ZNF251: variants seen among roughly 807,000 people sequenced by gnomAD.
ZNF251 encodes the protein zinc finger protein 251.
ZNF251 carries 14 observed loss-of-function variants against 13.5 expected under a neutral mutation model. The ratio of observed to expected loss-of-function variants is 1.04; its 90% CI spans 0.69 to 1.63. The LOEUF (loss-of-function observed/expected upper bound fraction) is 1.63. Among genes scored for constraint, ZNF251 ranks in the 40% most tolerant of loss-of-function variants. ZNF251 has a pLI of 0.00. For synonymous variants in ZNF251, 287 were observed against 295.2 expected (o/e 0.97, Z 0.28); for missense variants, 764 against 834.9 (o/e 0.92, Z 1.05).
Position 144,721,253 on chromosome 8 carries a change from G to A in ZNF251, c.*391C>T, listed in dbSNP as rs1823364891. 1 of 268,006 alleles carries A rather than the reference G, an allele frequency of 3.7e-6. No individual in the cohort carries two copies. The highest frequency in any genetic ancestry group is 6.9e-6 in the Non-Finnish European group (1 of 144,072). The allele number at this position is 268,006 out of a possible 1,614,324, so 16.6% of individuals were successfully genotyped here. A position where few individuals can be genotyped will look rare whatever the true frequency, so the allele number is the denominator to read the frequency against. The stretch of plus-strand genomic sequence containing the variant: ...TTCTCTGTACCACACTTGGAGGCAG[G>A]TATATGGGACTGAAAGTGGATGTTC... On this transcript the variant is annotated 3_prime_UTR_variant, in exon 5 of 5. Coordinates refer to ENST00000292562, the MANE Select transcript of ZNF251 (RefSeq NM_138367.2).
Position 144,721,607 on chromosome 8 carries a change from G to C in ZNF251, c.*37C>G. On this transcript the variant is annotated 3_prime_UTR_variant, in exon 5 of 5. Transcript: ENST00000292562. Reference sequence around the variant, plus strand: ...ATGCCATCTTATCTTCTAATGTCAAGTGAACAGTTGCTAAACTGTCTTCTG... The same window carrying C: ...ATGCCATCTTATCTTCTAATGTCAACTGAACAGTTGCTAAACTGTCTTCTG... 7.6e-7 allele frequency: 1 copy of C among 1,315,022 alleles called. No individual in the cohort carries two copies. The highest frequency in any genetic ancestry group is 9.8e-7 in the Non-Finnish European group (1 of 1,022,166). The allele number at this position is 1,315,022 out of a possible 1,614,324, so 81.5% of individuals were successfully genotyped here. A position where few individuals can be genotyped will look rare whatever the true frequency, so the allele number is the denominator to read the frequency against.
Position 144,753,274 on chromosome 8 carries a change from GAAAAAAAA to G in ZNF251, c.277+401_277+408del, listed in dbSNP as rs11336657. Among the ~76,000 whole-genome samples the G allele has an allele frequency of 3.3e-4, 14 of 41,834 alleles. 1 individual carries two copies. In the East Asian group the frequency reaches 4.4e-3, roughly 13 times the overall value. 27.4% of individuals were successfully genotyped at this position (41,834 alleles called of 152,430 possible). ...TGGTGACAGAGTGAGATTCTGTCTC[GAAAAAAAA>G]AAAAAAAAAAAAAAAAAGACTACTA... is the stretch of plus-strand genomic sequence containing the variant. On this transcript the variant is annotated intron_variant, in intron 4 of 4. Transcript: ENST00000292562.
chr8:144,726,776 A>G (rs1464485248), intron 4 of ZNF251, among the ~76,000 whole-genome samples: 1 of 152,142 alleles, frequency 6.6e-6, no homozygotes, highest in Non-Finnish European at 1.5e-5. Context: ...AGGCTGAGGC[A>G]GGAGAATGGC....
chr8:144,723,491 C>A, intron 4 of ZNF251, 109 bp from the exon 5 acceptor site: 1 of 742,344 alleles, frequency 1.3e-6, no homozygotes, highest in Non-Finnish European at 1.9e-6. Context: ...GCAGATGCTC[C>A]AATAGGAAAA....
chr8:144,731,948 A>ATTTTT (rs59877504), intron 4 of ZNF251, among the ~76,000 whole-genome samples: 1 of 141,978 alleles, frequency 7.0e-6, no homozygotes, highest in Non-Finnish European at 1.5e-5. Flanking sequence ...TGACAGCTGC[A>ATTTTT]TTTTTTTTTT....
intron 2 of ZNF251, 72 bp downstream of exon 2, chr8:144,754,623 TC>T: frequency 6.5e-7 from 1 of 1,539,776 alleles, no homozygotes; most frequent in Non-Finnish European, 8.7e-7. Flanking sequence ...GGCTCACGGC[TC>T]CAGAGGAGAG....
intron 4 of ZNF251, among the ~76,000 whole-genome samples, chr8:144,732,584 G>C (rs917208854): frequency 2.6e-5 from 4 of 151,952 alleles, no homozygotes; most frequent in Admixed American, 6.6e-5. Context: ...AGGCCAAGGC[G>C]GGGGAATCAC....
At chr8:144,755,253 C>A (rs1182412384) in intron 1 of ZNF251, 152 bp downstream of exon 1, 1 of 423,524 alleles carries the variant, frequency 2.4e-6, no homozygotes, top group African/African-American at 2.3e-5. Flanking sequence ...GCGCCGCGGT[C>A]GCCTCCTCCC....
chr8:144,754,208 C>T lies in ZNF251; in HGVS notation c.147G>A (p.Gly49=). The change falls in exon 3 of 5, where the codon GGG becomes GGA. Residue 49 remains glycine, a synonymous_variant. Transcript: ENST00000292562. ...LYRDVMLENY[G]NVASLGFPVP... The stretch of plus-strand genomic sequence containing the variant: ...GAGCCTCACCCAGAGAGGCCACGTT[C>T]CCATAGTTCTCCAGCATCACATCCC... The T allele has an allele frequency of 6.2e-7, 1 of 1,613,930 alleles. No individual in the cohort carries two copies. Among genetic ancestry groups the T allele is most frequent in the Non-Finnish European group, 8.5e-7 (1 of 1,179,890 alleles).
intron 4 of ZNF251, among the ~76,000 whole-genome samples, chr8:144,736,308 T>C (rs1823888872): frequency 6.6e-6 from 1 of 152,114 alleles, no homozygotes; most frequent in Admixed American, 6.6e-5. Flanking sequence ...AATTACCCTT[T>C]TACTACTCTA....
intron 4 of ZNF251, among the ~76,000 whole-genome samples, chr8:144,749,377 T>C (rs1824583336): frequency 6.6e-6 from 1 of 151,898 alleles, no homozygotes; most frequent in Admixed American, 6.6e-5. Flanking sequence ...CCCAGCTACT[T>C]GGGAGGCTGT....
chr8:144,752,127 A>G (rs537852535), intron 4 of ZNF251, among the ~76,000 whole-genome samples: 2 of 150,614 alleles, frequency 1.3e-5, no homozygotes, highest in East Asian at 1.9e-4. Flanking sequence ...CTGAAAGAAT[A>G]ACTAGACCAA....
At position 144,722,379 on chromosome 8, in the gene ZNF251, G is replaced by A; in HGVS notation, c.1281C>T (p.His427=). 2 of 1,614,018 alleles carry A rather than the reference G, an allele frequency of 1.2e-6. No homozygotes were observed. Among genetic ancestry groups the A allele is most frequent in the Non-Finnish European group, 1.7e-6 (2 of 1,179,902 alleles). Reference sequence around the variant, plus strand: ...TACAAACATAGGGTTTTTCTCCTGTGTGAATCCTTACGTGTTCAGTAAGAT... The same window carrying A: ...TACAAACATAGGGTTTTTCTCCTGTATGAATCCTTACGTGTTCAGTAAGAT... ...NSHLTEHVRI[H]TGEKPYVCNE... The change falls in exon 5 of 5, where the codon CAC becomes CAT. Residue 427 remains histidine, a synonymous_variant. Transcript: ENST00000292562. The surrounding 1 kb of genome is among the most constrained non-coding windows in gnomAD (Gnocchi z 4.8).
chr8:144,723,433 A>G, intron 4 of ZNF251, 51 bp from the exon 5 acceptor site: 3 of 1,298,568 alleles, frequency 2.3e-6, no homozygotes, highest in Non-Finnish European at 3.0e-6. Context: ...TCCATCAGGC[A>G]TAATGTCCAT....
At chr8:144,731,938 TGACA>T (rs1823707703) in intron 4 of ZNF251, among the ~76,000 whole-genome samples, 1 of 145,770 alleles carries the variant, frequency 6.9e-6, no homozygotes, top group African/African-American at 2.7e-5. Flanking sequence ...GGACATGTCC[TGACA>T]GCTGCATTTT....
At chr8:144,731,841 G>A (rs1052998673) in intron 4 of ZNF251, among the ~76,000 whole-genome samples, 24 of 152,058 alleles carry the variant, frequency 1.6e-4, no homozygotes, top group African/African-American at 5.8e-4. Flanking sequence ...GCCCACCTCG[G>A]CCTCCCAAAG....
At chr8:144,727,772 C>A (rs1285316035) in intron 4 of ZNF251, among the ~76,000 whole-genome samples, 1 of 152,164 alleles carries the variant, frequency 6.6e-6, no homozygotes, top group Non-Finnish European at 1.5e-5. Flanking sequence ...CATATGTTCA[C>A]CAGAATAGCA....
chr8:144,754,626 AGAG>A (rs1824868371), intron 2 of ZNF251, 67 bp downstream of exon 2: 1 of 1,544,210 alleles, frequency 6.5e-7, no homozygotes, highest in Admixed American at 2.1e-5. Context: ...TCACGGCTCC[AGAG>A]GAGAGTAGCT....
chr8:144,733,019 C>T (rs1240175804), intron 4 of ZNF251, among the ~76,000 whole-genome samples: 3 of 151,126 alleles, frequency 2.0e-5, no homozygotes, highest in East Asian at 2.0e-4. Flanking sequence ...GTCAGGAGTT[C>T]GAGAGCAGCC....
Sources: gnomAD v4.1 joint callset for allele counts (sites outside exome capture counted in the v4.1 genomes callset) on GRCh38, gnomAD v4.1.1 for gene constraint, Gnocchi (gnomAD v3.1) non-coding constraint, MANE v1.5 for transcripts, NCBI Gene and HGNC (gene_info 2026-07-23, HGNC 2026-07-21) for gene names.